The following UGGT2 variants were observed in gnomAD, a reference collection of about 807,000 sequenced individuals.
UGGT2 encodes UDP-glucose:glycoprotein glucosyltransferase 2.
In UGGT2, 180 loss-of-function variants were observed where a neutral mutation model predicts 192.1. The observed-to-expected ratio is 0.94, with a 90% confidence interval of 0.83 to 1.06. The LOEUF (loss-of-function observed/expected upper bound fraction) is 1.06, where lower values mean the gene tolerates loss of function less well. UGGT2 is among the 50% of genes least tolerant of loss of function. UGGT2 has a pLI of 0.00. For synonymous variants in UGGT2, 580 were observed against 591.0 expected (o/e 0.98, Z 0.27); for missense variants, 1,849 against 1,795.7 (o/e 1.03, Z -0.54).
intron 1 of UGGT2, among the ~76,000 whole-genome samples, chr13:96,047,728 A>G (rs1458317461): frequency 6.6e-6 from 1 of 152,218 alleles, no homozygotes; most frequent in African/African-American, 2.4e-5. Context: ...AAAGATCAGA[A>G]GAGACAAAGA....
In UGGT2 at chr13:96,026,910, A is replaced by T. The variant is rs1283331406; in HGVS notation, c.242-3151T>A. Among the ~76,000 whole-genome samples the T allele has an allele frequency of 2.6e-5, 4 of 152,066 alleles. No individual in the cohort carries two copies. In the East Asian group the frequency reaches 7.7e-4, roughly 29 times the overall value. On this transcript the variant is annotated intron_variant, in intron 2 of 38. Transcript: ENST00000376747. ...ATGGTCTCGATCTCCTGACCTCATGATCCACCTGCCTCGGCCTCCCAAAGT... is the reference window on the plus strand; with the variant it reads ...ATGGTCTCGATCTCCTGACCTCATGTTCCACCTGCCTCGGCCTCCCAAAGT...
chr13:95,927,009 A>G lies in UGGT2; in HGVS notation c.2200+19T>C. On this transcript the variant is annotated intron_variant, in intron 19 of 38. Coordinates refer to ENST00000376747, the MANE Select transcript of UGGT2 (RefSeq NM_020121.4). ...TTCTATCACTTTAAGAATTCAGGTA[A>G]ATAAAATATGCTTATTACCGTCTTG... 1 of 1,575,854 alleles carries G rather than the reference A, an allele frequency of 6.3e-7. No individual in the cohort carries two copies. The highest frequency in any genetic ancestry group is 1.9e-5 in the Admixed American group (1 of 51,934).
At chr13:95,842,330 T>C (rs1009593808) in intron 36 of UGGT2, among the ~76,000 whole-genome samples, 2 of 152,224 alleles carry the variant, frequency 1.3e-5, no homozygotes, top group Admixed American at 1.3e-4. Context: ...ATATAAATTA[T>C]ATATAAATCT....
intron 38 of UGGT2, among the ~76,000 whole-genome samples, chr13:95,826,605 T>A (rs1482328015): frequency 6.6e-6 from 1 of 151,990 alleles, no homozygotes; most frequent in African/African-American, 2.4e-5. Context: ...AAGAGAAAAA[T>A]TCCATTTATA....
intron 17 of UGGT2, among the ~76,000 whole-genome samples, chr13:95,928,159 G>A (rs563937693): frequency 1.6e-4 from 24 of 152,248 alleles, no homozygotes; most frequent in Admixed American, 2.6e-4. Context: ...ATCATGGCCC[G>A]TTCTCAATGA....
intron 37 of UGGT2, among the ~76,000 whole-genome samples, chr13:95,833,803 A>C (rs1886985516): frequency 6.6e-6 from 1 of 152,230 alleles, no homozygotes; most frequent in Non-Finnish European, 1.5e-5. Context: ...TTTGCCATTT[A>C]CTGAGACAGA....
At chr13:95,920,838 A>G (rs61972926) in intron 20 of UGGT2, among the ~76,000 whole-genome samples, 3,888 of 152,362 alleles carry the variant, frequency 0.026, 57 homozygotes, top group Non-Finnish European at 0.034. Context: ...ATTACTTGGC[A>G]TATACACAAA....
chr13:95,934,761 G>C (rs1193303782), intron 17 of UGGT2, among the ~76,000 whole-genome samples: 2 of 152,146 alleles, frequency 1.3e-5, no homozygotes, highest in African/African-American at 4.8e-5. Context: ...CTCTTGGATT[G>C]ACCTTCCAAA....
intron 38 of UGGT2, among the ~76,000 whole-genome samples, chr13:95,818,143 A>G (rs1885103070): frequency 6.6e-6 from 1 of 152,076 alleles, no homozygotes; most frequent in African/African-American, 2.4e-5. Context: ...CCTCGTCTCT[A>G]CTGAAAACAA....
chr13:95,983,258 A>C (rs141257077), intron 10 of UGGT2, among the ~76,000 whole-genome samples: 5 of 152,188 alleles, frequency 3.3e-5, no homozygotes, highest in Admixed American at 6.5e-5. Flanking sequence ...CCTAGTGTTT[A>C]GGGCCCTGTG....
At chr13:95,894,097 G>A (rs1171579277) in intron 24 of UGGT2, among the ~76,000 whole-genome samples, 2 of 152,092 alleles carry the variant, frequency 1.3e-5, no homozygotes, top group Non-Finnish European at 2.9e-5. Context: ...GGCAGCAGCC[G>A]GGCCTACAAC....
intron 15 of UGGT2, among the ~76,000 whole-genome samples, chr13:95,946,456 C>T (rs2140582038): frequency 6.6e-6 from 1 of 152,288 alleles, no homozygotes; most frequent in Non-Finnish European, 1.5e-5. Flanking sequence ...GCAGCCTCAA[C>T]CTTCTGGGCC....
chr13:95,854,593 A>C, intron 34 of UGGT2, 118 bp from the exon 35 acceptor site: 1 of 838,588 alleles, frequency 1.2e-6, no homozygotes, highest in South Asian at 2.8e-5. Context: ...TATTGTCCTC[A>C]CAGTGCTTTC....
At chr13:95,887,219 G>T (rs892216095) in intron 26 of UGGT2, 13 of 482,000 alleles carry the variant, frequency 2.7e-5, no homozygotes, top group Admixed American at 2.0e-4. Flanking sequence ...AAATAATACA[G>T]AGATGAGCAC....
At chr13:95,863,841 G>A (rs925458984) in intron 30 of UGGT2, 127 bp from the exon 31 acceptor site, 3 of 717,642 alleles carry the variant, frequency 4.2e-6, no homozygotes, top group African/African-American at 3.5e-5. Context: ...AGTAACCAAA[G>A]ACAGGCAATA....
At position 95,809,964 on chromosome 13, in the gene UGGT2, G is replaced by C. The variant is rs367687094; in HGVS notation, c.4529-8152C>G. Among the ~76,000 whole-genome samples, 5 of 152,246 alleles carry C rather than the reference G, an allele frequency of 3.3e-5. No individual in the cohort carries two copies. The East Asian group carries it at 7.7e-4, about 23-fold the overall frequency. The stretch of plus-strand genomic sequence containing the variant: ...CTGCATTTTTAATATGAGATAAATA[G>C]GTATTTTGCAAGAATTATAAAGTTT... On this transcript the variant is annotated intron_variant, in intron 38 of 38. Coordinates refer to ENST00000376747, the MANE Select transcript of UGGT2 (RefSeq NM_020121.4).
intron 33 of UGGT2, among the ~76,000 whole-genome samples, chr13:95,859,312 A>G (rs908010775): frequency 6.6e-6 from 1 of 152,166 alleles, no homozygotes; most frequent in East Asian, 1.9e-4. Flanking sequence ...ATCTGTATAT[A>G]TTTTCCATTG....
chr13:95,990,169 G>T, intron 7 of UGGT2, 96 bp from the exon 8 acceptor site: 2 of 619,098 alleles, frequency 3.2e-6, no homozygotes, highest in Non-Finnish European at 5.2e-6. Flanking sequence ...CATGTAATTA[G>T]ACATAAATGA....
chr13:95,924,393 C>CTTTTTTTTTTTTTTTTTTTTT lies in UGGT2; in HGVS notation c.2295+1266_2295+1286dup, dbSNP rs59757283. Among the ~76,000 whole-genome samples the CTTTTTTTTTTTTTTTTTTTTT allele has an allele frequency of 7.1e-4, 45 of 63,354 alleles. 4 individuals are homozygous for CTTTTTTTTTTTTTTTTTTTTT. Among genetic ancestry groups the CTTTTTTTTTTTTTTTTTTTTT allele is most frequent in the Non-Finnish European group, 1.0e-3 (32 of 31,670 alleles). 41.6% of individuals were successfully genotyped at this position (63,354 alleles called of 152,430 possible). ...AATAGATGTAATAGATCCCAAACAG[C>CTTTTTTTTTTTTTTTTTTTTT]TTTTTTTTTTTTTTTTTTTTTTTTT... On this transcript the variant is annotated intron_variant, in intron 20 of 38. Transcript: ENST00000376747.
Sources: allele counts gnomAD v4.1 joint callset (sites outside exome capture counted in the v4.1 genomes callset), GRCh38; gene constraint gnomAD v4.1.1; transcripts MANE v1.5; gene names NCBI Gene and HGNC (gene_info 2026-07-23, HGNC 2026-07-21).